COL5A1: variants seen among roughly 807,000 people sequenced by gnomAD.
COL5A1 encodes collagen type V alpha 1 chain.
COL5A1 carries 16 observed loss-of-function variants against 263.7 expected under a neutral mutation model. The observed-to-expected ratio is 0.06, with a 90% CI of 0.04 to 0.09. The LOEUF (loss-of-function observed/expected upper bound fraction) is 0.09, where lower values mean the gene tolerates loss of function less well. Among genes scored for constraint, COL5A1 ranks in the 10% least tolerant of loss-of-function variants. The pLI, the probability that COL5A1 is intolerant of heterozygous loss-of-function variation, is 1.00. For synonymous variants in COL5A1, 1,012 were observed against 1,004.5 expected, an observed-to-expected ratio of 1.01 and a Z score of -0.14; for missense variants, 2,036 against 2,540.5, an observed-to-expected ratio of 0.80 and a Z score of 4.27.
At chr9:134,779,096 G>A (rs773739727) in intron 27 of COL5A1, among the ~76,000 whole-genome samples, 7 of 152,236 alleles carry the variant, frequency 4.6e-5, no homozygotes, top group South Asian at 2.1e-4. Context: ...CAGGCCCTGC[G>A]TCCTCCAGTG....
intron 43 of COL5A1, 52 bp from the exon 44 acceptor site, chr9:134,810,203 G>T (rs2132840914): frequency 1.3e-6 from 2 of 1,595,108 alleles, no homozygotes; most frequent in Non-Finnish European, 1.7e-6. Context: ...GAACAGAAAA[G>T]GTCCAAACGG....
At chr9:134,738,705 G>C (rs1253310024) in intron 10 of COL5A1, 41 bp from the exon 11 acceptor site, 1 of 1,565,278 alleles carries the variant, frequency 6.4e-7, no homozygotes, top group Admixed American at 1.7e-5. Flanking sequence ...TTGCCCTGCG[G>C]CCCCATCTTC....
chr9:134,820,951 G>C (rs914780435), intron 58 of COL5A1, among the ~76,000 whole-genome samples: 1 of 152,158 alleles, frequency 6.6e-6, no homozygotes, highest in Admixed American at 6.5e-5. Context: ...CATAGGATGC[G>C]GGGGACAGGG....
At chr9:134,810,330 C>A in intron 44 of COL5A1, 22 bp downstream of exon 44, 1 of 1,611,424 alleles carries the variant, frequency 6.2e-7, no homozygotes, top group Non-Finnish European at 8.5e-7. Flanking sequence ...CACGGGGGCG[C>A]GCGGCAGCCC....
intron 9 of COL5A1, among the ~76,000 whole-genome samples, chr9:134,734,097 T>C (rs575630456): frequency 2.0e-5 from 3 of 151,692 alleles, no homozygotes; most frequent in Non-Finnish European, 4.4e-5. Flanking sequence ...AGACGTGGTG[T>C]CTGGGCTCCA....
intron 31 of COL5A1, among the ~76,000 whole-genome samples, chr9:134,788,233 C>T (rs1934533164): frequency 7.7e-6 from 1 of 129,906 alleles, no homozygotes; most frequent in South Asian, 2.4e-4. Flanking sequence ...TAGGTAGACA[C>T]ATGGATAGAC....
intron 4 of COL5A1, among the ~76,000 whole-genome samples, chr9:134,712,235 TA>T: frequency 7.3e-5 from 2 of 27,522 alleles, no homozygotes; most frequent in Admixed American, 5.3e-4. Context: ...CCCTTCTTCT[TA>T]TCCCCCTTCT....
rs1243544585 is a variant in COL5A1, at chr9:134,844,344, A to AC, written c.*2046dup. ...AGCCATAGCCGAGGACTGTCCCGCG[A>AC]CCCCCGTGGACTGCGTCTAGGTCAT... On this transcript the variant is annotated 3_prime_UTR_variant, in exon 66 of 66. Coordinates refer to ENST00000371817, the MANE Select transcript of COL5A1 (RefSeq NM_000093.5). 3 of 151,842 alleles carry AC rather than the reference A, an allele frequency of 2.0e-5. No individual in the cohort carries two copies. The East Asian group carries it at 5.8e-4, about 30-fold the overall frequency. 9.4% of individuals were successfully genotyped at this position (151,842 alleles called of 1,614,324 possible).
intron 11 of COL5A1, among the ~76,000 whole-genome samples, chr9:134,746,989 G>A (rs949996178): frequency 6.6e-6 from 1 of 152,190 alleles, no homozygotes; most frequent in Non-Finnish European, 1.5e-5. Flanking sequence ...TTTCAGCCCA[G>A]GGGTCAAAGT....
intron 11 of COL5A1, among the ~76,000 whole-genome samples, chr9:134,750,166 T>A (rs1019506578): frequency 6.6e-6 from 1 of 152,172 alleles, no homozygotes; most frequent in Non-Finnish European, 1.5e-5. Flanking sequence ...TGTTTCCTGT[T>A]GGGTATGGAG....
intron 1 of COL5A1, among the ~76,000 whole-genome samples, chr9:134,676,437 C>T (rs1241321118): frequency 6.6e-6 from 1 of 152,182 alleles, no homozygotes; most frequent in Non-Finnish European, 1.5e-5. Flanking sequence ...TAACCAGTTC[C>T]CGATTGATGG....
At chr9:134,782,170 C>T (rs776783900) in intron 28 of COL5A1, among the ~76,000 whole-genome samples, 7 of 152,220 alleles carry the variant, frequency 4.6e-5, no homozygotes, top group Non-Finnish European at 8.8e-5. Context: ...TGACTTCCCC[C>T]GCCACCCCCG....
Position 134,677,985 on chromosome 9 carries a change from A to G in COL5A1, c.110-12927A>G, listed in dbSNP as rs917055889. 1.3e-5 allele frequency among the ~76,000 whole-genome samples: 2 copies of G among 152,102 alleles called. No homozygotes were observed. Among genetic ancestry groups the G allele is most frequent in the Non-Finnish European group, 2.9e-5 (2 of 68,006 alleles). On this transcript the variant is annotated intron_variant, in intron 1 of 65. Transcript: ENST00000371817. The surrounding 1 kb of genome is among the most constrained non-coding windows in gnomAD (Gnocchi z 4.4). ...GCCTCCTCTCCATGCAAGGCCTCCT[A>G]TGGTCCTGAACATCCTGTGAAGAAC...
At chr9:134,779,325 G>A (rs1333259180) in intron 27 of COL5A1, among the ~76,000 whole-genome samples, 1 of 152,228 alleles carries the variant, frequency 6.6e-6, no homozygotes, top group Non-Finnish European at 1.5e-5. Flanking sequence ...ACTGCCCCAG[G>A]CGCTTGGCAC....
At position 134,652,328 on chromosome 9, in the gene COL5A1, A is replaced by G. The variant is rs1021482029; in HGVS notation, c.109+10032A>G. On this transcript the variant is annotated intron_variant, in intron 1 of 65. Transcript: ENST00000371817. This position sits in a 1 kb window ranked among gnomAD's most constrained non-coding sequence, Gnocchi z 4.4. ...ACAGTGAGCTGGTGACAGCAGGCAG[A>G]CCCAGTGTAACACGGCTCTGCTGGG... Among the ~76,000 whole-genome samples the G allele has an allele frequency of 7.3e-6, 1 of 136,524 alleles. No homozygotes were observed. Among genetic ancestry groups the G allele is most frequent in the African/African-American group, 2.7e-5 (1 of 36,748 alleles). 89.6% of individuals were successfully genotyped at this position (136,524 alleles called of 152,430 possible).
intron 61 of COL5A1, among the ~76,000 whole-genome samples, chr9:134,823,687 GGA>G (rs1839122128): frequency 6.6e-6 from 1 of 152,240 alleles, no homozygotes; most frequent in Admixed American, 6.5e-5. Context: ...CAGCTGGCCA[GGA>G]GAGAGAGGAT....
intron 25 of COL5A1, among the ~76,000 whole-genome samples, chr9:134,771,748 G>T (rs1360502861): frequency 6.6e-6 from 1 of 152,142 alleles, no homozygotes; most frequent in Non-Finnish European, 1.5e-5. Context: ...GCCCAGAGAG[G>T]GCAAGTGACC....
chr9:134,758,180 C>A lies in COL5A1; in HGVS notation c.1882-63C>A. 1 of 1,577,744 alleles carries A rather than the reference C, an allele frequency of 6.3e-7. No homozygotes were observed. Among genetic ancestry groups the A allele is most frequent in the South Asian group, 1.1e-5 (1 of 90,324 alleles). ...CGGGGCGGCCATCACTTGGTGGACACCAAGGCGGGGTGTCCACGTGTGCAG... is the reference window on the plus strand; with the variant it reads ...CGGGGCGGCCATCACTTGGTGGACAACAAGGCGGGGTGTCCACGTGTGCAG... On this transcript the variant is annotated intron_variant, in intron 17 of 65. Coordinates refer to ENST00000371817, the MANE Select transcript of COL5A1 (RefSeq NM_000093.5). The surrounding 1 kb of genome is among the most constrained non-coding windows in gnomAD (Gnocchi z 4.1).
intron 61 of COL5A1, 21 bp downstream of exon 61, chr9:134,823,490 A>G (rs751725626): frequency 6.2e-6 from 10 of 1,613,824 alleles, no homozygotes; most frequent in Non-Finnish European, 8.5e-6. Context: ...CTTGAAGCCC[A>G]GAAAGCGGGA....
Sources: gnomAD v4.1 joint callset for allele counts (sites outside exome capture counted in the v4.1 genomes callset) on GRCh38, gnomAD v4.1.1 for gene constraint, Gnocchi (gnomAD v3.1) non-coding constraint, MANE v1.5 for transcripts, NCBI Gene and HGNC (gene_info 2026-07-23, HGNC 2026-07-21) for gene names.